Variants in WWOX observed in about 807,000 individuals in gnomAD.
WWOX encodes the protein WW domain containing oxidoreductase, also known as WW domain-containing oxidoreductase.
A neutral mutation model predicts 46.2 loss-of-function variants in WWOX; 69 were observed. The ratio of observed to expected loss-of-function variants is 1.49; its 90% confidence interval spans 1.23 to 1.82. The LOEUF (loss-of-function observed/expected upper bound fraction) is 1.82. WWOX is among the 40% of genes most tolerant of loss of function. WWOX has a pLI of 0.00. For synonymous variants in WWOX, 359 were observed against 202.6 expected (o/e 1.77, Z -6.56); for missense variants, 919 against 542.6 (o/e 1.69, Z -6.89).
At chr16:79,186,567 A>T (rs1020962405) in intron 8 of WWOX, among the ~76,000 whole-genome samples, 5 of 152,182 alleles carry the variant, frequency 3.3e-5, no homozygotes, top group African/African-American at 9.7e-5. Flanking sequence ...TTAACTCTGT[A>T]TTCCAATCTA....
chr16:78,314,797 C>A (rs1274707734), intron 5 of WWOX, among the ~76,000 whole-genome samples: 3 of 150,528 alleles, frequency 2.0e-5, no homozygotes, highest in Admixed American at 1.3e-4. Flanking sequence ...GGCAAGCCAC[C>A]CGCCTTGGCC....
chr16:78,673,734 T>C lies in WWOX; in HGVS notation c.1056+240982T>C, dbSNP rs2047521850. Among the ~76,000 whole-genome samples, 3 of 152,338 alleles carry C rather than the reference T, an allele frequency of 2.0e-5. No individual in the cohort carries two copies. In the South Asian group the frequency reaches 6.2e-4, roughly 32 times the overall value. On this transcript the variant is annotated intron_variant, in intron 8 of 8. Coordinates refer to ENST00000566780, the MANE Select transcript of WWOX (RefSeq NM_016373.4). ...TTAGCATTTTATGTAAATCAGTTAT[T>C]ACTGTTCTCCACTTCCTTAATTATC...
At chr16:78,179,830 C>T (rs1487210513) in intron 5 of WWOX, 1 of 152,210 alleles carries the variant, frequency 6.6e-6, no homozygotes, top group Non-Finnish European at 1.5e-5. Context: ...TCTTGTTCCT[C>T]TTGGTATAAC....
At chr16:78,645,921 C>A (rs1332624847) in intron 8 of WWOX, among the ~76,000 whole-genome samples, 1 of 152,170 alleles carries the variant, frequency 6.6e-6, no homozygotes, top group African/African-American at 2.4e-5. Flanking sequence ...CTGGTGGCCA[C>A]ATCTTCCATC....
intron 8 of WWOX, among the ~76,000 whole-genome samples, chr16:78,458,159 G>A (rs1266293295): frequency 6.6e-6 from 1 of 151,534 alleles, no homozygotes; most frequent in Non-Finnish European, 1.5e-5. Context: ...ATGTGAAGGT[G>A]TGTTCCATGA....
At chr16:79,104,996 A>C (rs771608576) in intron 8 of WWOX, among the ~76,000 whole-genome samples, 29 of 152,220 alleles carry the variant, frequency 1.9e-4, no homozygotes, top group Non-Finnish European at 4.0e-4. Context: ...TCCTCATGAT[A>C]CTGGAAGGCA....
intron 8 of WWOX, among the ~76,000 whole-genome samples, chr16:78,900,872 G>A (rs1425282133): frequency 6.7e-6 from 1 of 148,830 alleles, no homozygotes; most frequent in Admixed American, 6.7e-5. Flanking sequence ...GAAAAAGATA[G>A]TTGATATTGT....
At chr16:78,397,094 A>C (rs1332621370) in intron 6 of WWOX, among the ~76,000 whole-genome samples, 1 of 152,206 alleles carries the variant, frequency 6.6e-6, no homozygotes, top group African/African-American at 2.4e-5. Flanking sequence ...GTGCATAGTT[A>C]ATTTCAATTC....
At chr16:79,050,252 GT>G (rs2048141432) in intron 8 of WWOX, among the ~76,000 whole-genome samples, 1 of 152,142 alleles carries the variant, frequency 6.6e-6, no homozygotes, top group Non-Finnish European at 1.5e-5. Context: ...GTGTCTGTGG[GT>G]CAGCTTGTTT....
chr16:78,608,537 G>A (rs146940651), intron 8 of WWOX, among the ~76,000 whole-genome samples: 2 of 152,282 alleles, frequency 1.3e-5, no homozygotes, highest in Non-Finnish European at 2.9e-5. Context: ...AGGTTCAAGA[G>A]CCACTCTGTG....
intron 8 of WWOX, among the ~76,000 whole-genome samples, chr16:78,650,970 T>G (rs1335725173): frequency 6.6e-6 from 1 of 152,242 alleles, no homozygotes; most frequent in Non-Finnish European, 1.5e-5. Context: ...GTGATTCTCC[T>G]TAACAGAGGG....
intron 4 of WWOX, among the ~76,000 whole-genome samples, chr16:78,117,994 C>T (rs1419022543): frequency 1.3e-5 from 2 of 150,336 alleles, no homozygotes; most frequent in Admixed American, 1.4e-4. Context: ...CTTACAAAGG[C>T]CGATTTGCAA....
intron 6 of WWOX, among the ~76,000 whole-genome samples, chr16:78,414,532 A>T (rs551691467): frequency 6.6e-6 from 1 of 152,182 alleles, no homozygotes; most frequent in African/African-American, 2.4e-5. Context: ...GCGCCACTGC[A>T]CTCCAGCCTG....
chr16:79,151,176 C>A (rs770396370), intron 8 of WWOX, among the ~76,000 whole-genome samples: 16 of 152,208 alleles, frequency 1.1e-4, no homozygotes, highest in African/African-American at 1.2e-4. Context: ...ATATAGTTAA[C>A]TGTAAAAGTG....
intron 8 of WWOX, among the ~76,000 whole-genome samples, chr16:78,766,942 T>A (rs12716859): frequency 0.47 from 70,788 of 152,008 alleles, 16,965 homozygotes; most frequent in Middle Eastern, 0.61. Flanking sequence ...CCTTCCTCAC[T>A]TCCCCAAGCT....
intron 8 of WWOX, among the ~76,000 whole-genome samples, chr16:78,589,375 A>T (rs1165372649): frequency 6.6e-6 from 1 of 152,202 alleles, no homozygotes; most frequent in Non-Finnish European, 1.5e-5. Context: ...TTGTGATTTT[A>T]TTGACAGTCA....
chr16:78,741,358 C>T (rs918920173), intron 8 of WWOX, among the ~76,000 whole-genome samples: 4 of 152,028 alleles, frequency 2.6e-5, no homozygotes, highest in Admixed American at 6.6e-5. Context: ...GTCAGGAGAT[C>T]GAGATCAGCC....
intron 8 of WWOX, among the ~76,000 whole-genome samples, chr16:78,705,370 G>C (rs534833272): frequency 6.6e-6 from 1 of 152,320 alleles, no homozygotes; most frequent in South Asian, 2.1e-4. Flanking sequence ...ACATAAGAGA[G>C]TCAAAGGGAC....
chr16:78,930,743 C>T (rs879934135), intron 8 of WWOX, among the ~76,000 whole-genome samples: 2 of 152,078 alleles, frequency 1.3e-5, no homozygotes, highest in Non-Finnish European at 2.9e-5. Context: ...AGCAGAAGAA[C>T]TCACTGAAAA....
Sources: allele counts gnomAD v4.1 joint callset (sites outside exome capture counted in the v4.1 genomes callset), GRCh38; gene constraint gnomAD v4.1.1; transcripts MANE v1.5; gene names NCBI Gene and HGNC (gene_info 2026-07-23, HGNC 2026-07-21).